The following RAP1A variants were observed in gnomAD, a reference collection of about 807,000 sequenced individuals.
The protein encoded by RAP1A is RAP1A, member of RAS oncogene family, also known as ras-related protein Rap-1A.
In RAP1A, 6 loss-of-function variants were observed where a neutral mutation model predicts 26.4. The observed-to-expected ratio is 0.23, with a 90% CI of 0.12 to 0.45. The LOEUF (loss-of-function observed/expected upper bound fraction) is 0.45. Ranked by LOEUF, RAP1A falls within the 20% of genes least tolerant of loss-of-function variation. The pLI is 0.99. For synonymous variants in RAP1A, 73 were observed against 79.4 expected, an observed-to-expected ratio of 0.92 and a Z score of 0.43; for missense variants, 121 against 217.2, an observed-to-expected ratio of 0.56 and a Z score of 2.78.
intron 1 of RAP1A, among the ~76,000 whole-genome samples, chr1:111,551,371 C>T (rs1657252396): frequency 6.6e-6 from 1 of 152,146 alleles, no homozygotes; most frequent in South Asian, 2.1e-4. Flanking sequence ...TAGGGGGCCA[C>T]TTTAATTCCT....
chr1:111,607,983 C>T (rs1463804042), intron 1 of RAP1A, among the ~76,000 whole-genome samples: 4 of 31,764 alleles, frequency 1.3e-4, no homozygotes, highest in Non-Finnish European at 2.5e-4. Context: ...GGCAGCTGGC[C>T]GGGCGGGGGG....
chr1:111,684,113 C>T (rs1192936126), intron 1 of RAP1A, among the ~76,000 whole-genome samples: 2 of 152,142 alleles, frequency 1.3e-5, no homozygotes, highest in Non-Finnish European at 2.9e-5. Context: ...ATCCAACACC[C>T]CTTCATGCTA....
chr1:111,628,291 T>C (rs1253607178), intron 1 of RAP1A, among the ~76,000 whole-genome samples: 2 of 152,210 alleles, frequency 1.3e-5, no homozygotes, highest in Non-Finnish European at 2.9e-5. Context: ...GCAAATGGGC[T>C]GTGGTGAGCA....
At chr1:111,551,158 A>C (rs948629353) in intron 1 of RAP1A, among the ~76,000 whole-genome samples, 1 of 152,144 alleles carries the variant, frequency 6.6e-6, no homozygotes, top group African/African-American at 2.4e-5. Flanking sequence ...TACAAACAGC[A>C]TATAGTTGGA....
chr1:111,699,805 A>G (rs1661962168), intron 4 of RAP1A, among the ~76,000 whole-genome samples: 1 of 151,766 alleles, frequency 6.6e-6, no homozygotes, highest in African/African-American at 2.4e-5. Flanking sequence ...CTTCGTTACA[A>G]CCTGTAGTCC....
intron 1 of RAP1A, among the ~76,000 whole-genome samples, chr1:111,675,467 G>A (rs985235600): frequency 2.7e-5 from 4 of 150,202 alleles, no homozygotes; most frequent in East Asian, 2.0e-4. Flanking sequence ...GTGAGACTCT[G>A]TCTAAAAAAA....
intron 1 of RAP1A, among the ~76,000 whole-genome samples, chr1:111,631,381 A>G (rs1014141693): frequency 4.6e-5 from 7 of 152,146 alleles, no homozygotes; most frequent in African/African-American, 1.2e-4. Context: ...TTAATGTCCT[A>G]TCTGTAATGG....
intron 1 of RAP1A, among the ~76,000 whole-genome samples, chr1:111,682,914 A>G (rs994558140): frequency 6.6e-6 from 1 of 152,234 alleles, no homozygotes; most frequent in Non-Finnish European, 1.5e-5. Flanking sequence ...AATTGACCAC[A>G]TAATTGGAAG....
At chr1:111,558,565 G>C (rs548338661) in intron 1 of RAP1A, among the ~76,000 whole-genome samples, 1 of 152,276 alleles carries the variant, frequency 6.6e-6, no homozygotes, top group South Asian at 2.1e-4. Flanking sequence ...AAGAGACAAA[G>C]AAAGGTTGAA....
rs141796208 is a variant in RAP1A, at chr1:111,687,646, CTT to C, written c.-27-3687_-27-3686del. On this transcript the variant is annotated intron_variant, in intron 1 of 7. Coordinates refer to ENST00000369709, the MANE Select transcript of RAP1A (RefSeq NM_002884.4). ...GACCTTAAGTATTCTATTTCTCTCTCTTCTACTATTGTAATATATTTTACTTC... is the reference window on the plus strand; with the variant it reads ...GACCTTAAGTATTCTATTTCTCTCTCCTACTATTGTAATATATTTTACTTC... 8.6e-3 allele frequency among the ~76,000 whole-genome samples: 1,315 copies of C among 152,244 alleles called. 18 individuals are homozygous for C. Among genetic ancestry groups the C allele is most frequent in the African/African-American group, 0.03 (1,259 of 41,534 alleles).
chr1:111,656,224 C>T lies in RAP1A; in HGVS notation c.-27-35110C>T, dbSNP rs377409055. Among the ~76,000 whole-genome samples, 7 of 150,114 alleles carry T rather than the reference C, an allele frequency of 4.7e-5. No individual in the cohort carries two copies. The East Asian group carries it at 5.9e-4, about 13-fold the overall frequency. On this transcript the variant is annotated intron_variant, in intron 1 of 7. Transcript: ENST00000369709. ...ACCTTGGAGGGAGATGAAGTAATAT[C>T]GGCGGGGGTGGGGGTTGGTAGTAAT...
chr1:111,616,088 T>C (rs981384179), upstream of RAP1A, among the ~76,000 whole-genome samples: 5 of 152,078 alleles, frequency 3.3e-5, no homozygotes, highest in East Asian at 9.6e-4. Context: ...AAAGAGGAAG[T>C]CAGGAAGAGG....
intron 1 of RAP1A, among the ~76,000 whole-genome samples, chr1:111,593,759 T>A (rs1379468008): frequency 6.7e-6 from 1 of 150,288 alleles, no homozygotes; most frequent in East Asian, 2.0e-4. Context: ...AGGTTCTGCC[T>A]GGCCAGCCCA....
chr1:111,592,833 C>A (rs1658493888), intron 1 of RAP1A, among the ~76,000 whole-genome samples: 1 of 152,140 alleles, frequency 6.6e-6, no homozygotes, highest in South Asian at 2.1e-4. Context: ...CATCTGCACG[C>A]CCCCATTTCC....
intron 1 of RAP1A, among the ~76,000 whole-genome samples, chr1:111,639,298 T>C (rs1659821957): frequency 6.6e-6 from 1 of 152,160 alleles, no homozygotes; most frequent in African/African-American, 2.4e-5. Context: ...ATAGATGTTA[T>C]AGTAGGTAAC....
intron 1 of RAP1A, chr1:111,564,109 A>G: frequency 1.8e-6 from 1 of 552,952 alleles, no homozygotes; most frequent in Non-Finnish European, 3.3e-6. Context: ...AAAACTCATG[A>G]CTATCTTTTT....
Position 111,643,276 on chromosome 1 carries a change from C to A in RAP1A, c.-28+23342C>A, listed in dbSNP as rs143485288. ...CCTTAGTTCACAAGCCACGCAAAAA[C>A]AGACAGTGGCCCAGATTTGGCCTGT... On this transcript the variant is annotated intron_variant, in intron 1 of 7. Transcript: ENST00000369709. 4.3e-3 allele frequency among the ~76,000 whole-genome samples: 660 copies of A among 152,302 alleles called. 5 individuals carry two copies. The highest frequency in any genetic ancestry group is 0.015 in the African/African-American group (611 of 41,564).
chr1:111,662,419 T>C (rs1370136163), intron 1 of RAP1A, among the ~76,000 whole-genome samples: 1 of 139,138 alleles, frequency 7.2e-6, no homozygotes, highest in Non-Finnish European at 1.6e-5. Context: ...AAAAAAAAAA[T>C]TAACTTGATC....
intron 1 of RAP1A, among the ~76,000 whole-genome samples, chr1:111,568,469 A>G (rs1342509950): frequency 1.3e-5 from 2 of 152,128 alleles, no homozygotes; most frequent in Admixed American, 1.3e-4. Flanking sequence ...TAAACCATTC[A>G]GGAGGGATCC....
Sources: gnomAD v4.1 joint callset for allele counts (sites outside exome capture counted in the v4.1 genomes callset) on GRCh38, gnomAD v4.1.1 for gene constraint, MANE v1.5 for transcripts, NCBI Gene and HGNC (gene_info 2026-07-23, HGNC 2026-07-21) for gene names.